ACOT1: variants seen among roughly 807,000 people sequenced by gnomAD.
ACOT1 encodes acyl-coenzyme A thioesterase 1.
ACOT1 carries 8 observed loss-of-function variants against 15.7 expected under a neutral mutation model. The observed-to-expected ratio is 0.51, with a 90% CI of 0.30 to 0.92. The LOEUF (loss-of-function observed/expected upper bound fraction) is 0.92, where lower values mean the gene tolerates loss of function less well. Among genes scored for constraint, ACOT1 ranks in the 40% least tolerant of loss-of-function variants. The probability of loss-of-function intolerance (pLI) is 0.06; values close to 1 mark genes in which losing one functional copy is unlikely to be tolerated. For missense variants in ACOT1, 151 were observed against 539.4 expected, an observed-to-expected ratio of 0.28 and a Z score of 7.13; for synonymous variants, 67 against 241.2, an observed-to-expected ratio of 0.28 and a Z score of 6.69.
At chr14:73,501,220 G>T in the ACOT1 span, among the ~76,000 whole-genome samples, 2 of 152,038 alleles carry the variant, frequency 1.3e-5, no homozygotes, top group Non-Finnish European at 2.9e-5. Context: ...CTGGGTTCAC[G>T]CCATTCTCCT....
the ACOT1 span, among the ~76,000 whole-genome samples, chr14:73,511,552 TAAATAAA>T: frequency 7.8e-6 from 1 of 128,806 alleles, no homozygotes; most frequent in African/African-American, 2.9e-5. Context: ...AATAAATAAA[TAAATAAA>T]TAAATAAAAT....
the ACOT1 span, among the ~76,000 whole-genome samples, chr14:73,524,747 T>G: frequency 6.6e-6 from 1 of 151,452 alleles, no homozygotes; most frequent in African/African-American, 2.4e-5. Context: ...CCACTCACTT[T>G]GTTGGCCTTG....
the ACOT1 span, chr14:73,500,500 G>A: frequency 6.4e-7 from 1 of 1,558,018 alleles, no homozygotes; most frequent in African/African-American, 1.3e-5. Flanking sequence ...GGAAGGTAAT[G>A]CCCTCTTCAG....
chr14:73,497,083 A>G, the ACOT1 span, among the ~76,000 whole-genome samples: 3 of 152,256 alleles, frequency 2.0e-5, no homozygotes, highest in African/African-American at 4.8e-5. Flanking sequence ...TTTAGTAGAG[A>G]TGGGGTTTCA....
the ACOT1 span, among the ~76,000 whole-genome samples, chr14:73,504,244 ATT>A: frequency 2.5e-4 from 33 of 131,258 alleles, no homozygotes; most frequent in East Asian, 1.5e-3. Flanking sequence ...AGCCTGGCTA[ATT>A]TTTTTTTTTT....
the ACOT1 span, chr14:73,496,600 C>G: frequency 1.9e-6 from 3 of 1,587,542 alleles, no homozygotes; most frequent in South Asian, 3.3e-5. Flanking sequence ...CACTTATTTA[C>G]CCTGTTCTTG....
chr14:73,524,310 A>AAAAATATATATAT, the ACOT1 span, among the ~76,000 whole-genome samples: 40 of 54,762 alleles, frequency 7.3e-4, no homozygotes, highest in East Asian at 1.4e-3. Context: ...AAAAAAAAAA[A>AAAAATATATATAT]ATATATATAT....
the ACOT1 span, chr14:73,506,527 T>C: frequency 2.5e-6 from 4 of 1,613,738 alleles, no homozygotes; most frequent in South Asian, 1.1e-5. Flanking sequence ...GGTTCTTCCA[T>C]TGACAGCTGT....
chr14:73,497,044 T>G, the ACOT1 span, among the ~76,000 whole-genome samples: 1 of 152,184 alleles, frequency 6.6e-6, no homozygotes, highest in Non-Finnish European at 1.5e-5. Flanking sequence ...TACAGGCGCG[T>G]GCCATCATGC....
At chr14:73,520,697 C>T in the ACOT1 span, 3 of 666,862 alleles carry the variant, frequency 4.5e-6, no homozygotes, top group African/African-American at 1.8e-5. Flanking sequence ...CGACCCAACT[C>T]CTGTGCTAGT....
the ACOT1 span, among the ~76,000 whole-genome samples, chr14:73,516,376 C>T: frequency 1.0e-5 from 1 of 98,290 alleles, no homozygotes; most frequent in African/African-American, 5.2e-5. Context: ...TGACGCTCCC[C>T]GACTTCTCTC....
the ACOT1 span, chr14:73,500,455 C>A: frequency 7.8e-7 from 1 of 1,274,356 alleles, no homozygotes; most frequent in Admixed American, 2.0e-5. Context: ...CATTCTGTGT[C>A]CCCACAGAAT....
At chr14:73,491,028 T>A in the ACOT1 span, 9 of 1,547,402 alleles carry the variant, frequency 5.8e-6, no homozygotes, top group Non-Finnish European at 7.9e-6. Context: ...ATGGATGGGC[T>A]CCAGGCCAGT....
intron 2 of ACOT1, among the ~76,000 whole-genome samples, chr14:73,542,774 G>A (rs1416127582): frequency 8.9e-6 from 1 of 111,910 alleles, no homozygotes; most frequent in Non-Finnish European, 1.9e-5. Context: ...GCTCAGGTGG[G>A]AGACAGAAAA....
the ACOT1 span, chr14:73,518,967 G>A: frequency 2.6e-6 from 4 of 1,549,818 alleles, no homozygotes; most frequent in Non-Finnish European, 3.5e-6. Flanking sequence ...GTAATGATGG[G>A]AAGTAGCCAC....
chr14:73,492,999 C>CTTTTT, the ACOT1 span: 80 of 1,460,352 alleles, frequency 5.5e-5, no homozygotes, highest in Admixed American at 1.3e-4. The surrounding 1 kb of genome is among the most constrained non-coding windows in gnomAD (Gnocchi z 4.9). Flanking sequence ...CCACTGCTAC[C>CTTTTT]TTTTTTTTTT....
the ACOT1 span, chr14:73,491,814 G>GCTAC: frequency 3.7e-6 from 6 of 1,602,732 alleles, no homozygotes; most frequent in Non-Finnish European, 5.1e-6. Flanking sequence ...GACGCCGCTC[G>GCTAC]CTACATCAAC....
chr14:73,513,644 T>C, the ACOT1 span, among the ~76,000 whole-genome samples: 2 of 140,704 alleles, frequency 1.4e-5, no homozygotes, highest in South Asian at 2.2e-4. Flanking sequence ...GGAGAATTAC[T>C]TGAAACCAGG....
chr14:73,504,141 G>A, the ACOT1 span, among the ~76,000 whole-genome samples: 39 of 148,554 alleles, frequency 2.6e-4, no homozygotes, highest in East Asian at 5.7e-3. Flanking sequence ...GCAATGGCAC[G>A]ATCTCGGCTC....
Sources: gnomAD v4.1 joint callset for allele counts (sites outside exome capture counted in the v4.1 genomes callset) on GRCh38, gnomAD v4.1.1 for gene constraint, Gnocchi (gnomAD v3.1) non-coding constraint, MANE v1.5 for transcripts, NCBI Gene and HGNC (gene_info 2026-07-23, HGNC 2026-07-21) for gene names.